AP1S3: variants seen among roughly 807,000 people sequenced by gnomAD.
AP1S3 encodes the protein AP-1 complex subunit sigma-3.
In AP1S3, 10 loss-of-function variants were observed where a neutral mutation model predicts 20.9. The observed-to-expected ratio is 0.48, with a 90% CI of 0.29 to 0.81. The LOEUF (loss-of-function observed/expected upper bound fraction) is 0.81. Ranked by LOEUF, AP1S3 falls within the 30% of genes least tolerant of loss-of-function variation. The probability of loss-of-function intolerance (pLI) is 0.08; values close to 1 mark genes in which losing one functional copy is unlikely to be tolerated. For missense variants in AP1S3, 154 were observed against 183.8 expected (o/e 0.84, Z 0.94); for synonymous variants, 41 against 61.5 (o/e 0.67, Z 1.56).
chr2:223,776,222 A>G (rs929088527), intron 2 of AP1S3: 2 of 650,146 alleles, frequency 3.1e-6, no homozygotes, highest in Non-Finnish European at 5.8e-6. Context: ...TTAATTACGC[A>G]TGAAAGACTC....
intron 3 of AP1S3, among the ~76,000 whole-genome samples, chr2:223,773,748 A>G (rs1166418483): frequency 6.6e-6 from 1 of 152,158 alleles, no homozygotes; most frequent in African/African-American, 2.4e-5. Flanking sequence ...GAACAAAAAA[A>G]AACTCTGCTG....
chr2:223,825,312 C>CAA (rs3080005), intron 1 of AP1S3, among the ~76,000 whole-genome samples: 23,664 of 145,974 alleles, frequency 0.16, 2,433 homozygotes, highest in East Asian at 0.41. Context: ...GACTCCGTCT[C>CAA]AAAAAAAAAA....
intron 1 of AP1S3, among the ~76,000 whole-genome samples, chr2:223,806,564 A>C (rs902643614): frequency 1.3e-5 from 2 of 152,022 alleles, no homozygotes; most frequent in Non-Finnish European, 2.9e-5. Context: ...GATTACAGGC[A>C]TGAGCCACCG....
chr2:223,834,993 A>G (rs1692361934), intron 1 of AP1S3, among the ~76,000 whole-genome samples: 2 of 152,214 alleles, frequency 1.3e-5, no homozygotes, highest in Non-Finnish European at 1.5e-5. Flanking sequence ...TAGACACAAG[A>G]AAACTTCACT....
chr2:223,807,207 C>T (rs1691602224), intron 1 of AP1S3, among the ~76,000 whole-genome samples: 1 of 152,146 alleles, frequency 6.6e-6, no homozygotes, highest in Non-Finnish European at 1.5e-5. Context: ...ATAGAGGTTG[C>T]AGTCAGCCAT....
At chr2:223,780,336 G>A (rs1690905022) in intron 1 of AP1S3, among the ~76,000 whole-genome samples, 1 of 127,890 alleles carries the variant, frequency 7.8e-6, no homozygotes, top group African/African-American at 3.2e-5. Flanking sequence ...GAGAGAGAGA[G>A]AGAGAGAGAG....
chr2:223,773,227 C>A, intron 3 of AP1S3: 1 of 1,219,760 alleles, frequency 8.2e-7, no homozygotes, highest in Non-Finnish European at 1.1e-6. Flanking sequence ...CACATTATCA[C>A]AGTTGGTTTA....
intron 1 of AP1S3, among the ~76,000 whole-genome samples, chr2:223,835,909 C>T (rs1692384187): frequency 6.6e-6 from 1 of 152,186 alleles, no homozygotes; most frequent in Admixed American, 6.5e-5. Context: ...GCAAATTACA[C>T]TGGTGGACTG....
chr2:223,779,315 G>A (rs747467055), intron 1 of AP1S3, among the ~76,000 whole-genome samples: 6 of 152,188 alleles, frequency 3.9e-5, no homozygotes, highest in East Asian at 1.9e-4. Flanking sequence ...AGGCCAAGGC[G>A]GGATAATCAC....
At chr2:223,830,897 G>T (rs1692242593) in intron 1 of AP1S3, among the ~76,000 whole-genome samples, 1 of 152,192 alleles carries the variant, frequency 6.6e-6, no homozygotes, top group Admixed American at 6.6e-5. Flanking sequence ...GAGGGATGTT[G>T]GCAGAGGCCA....
intron 3 of AP1S3, among the ~76,000 whole-genome samples, chr2:223,771,020 C>G (rs2106084463): frequency 6.6e-6 from 1 of 152,182 alleles, no homozygotes; most frequent in East Asian, 1.9e-4. Flanking sequence ...CAGGCATGAG[C>G]CACCGTTCCC....
intron 1 of AP1S3, among the ~76,000 whole-genome samples, chr2:223,830,633 C>G (rs1213267297): frequency 1.3e-5 from 2 of 152,278 alleles, no homozygotes; most frequent in East Asian, 3.9e-4. Flanking sequence ...TTGATATACC[C>G]AGTGTGGAAG....
chr2:223,819,621 C>CCTA (rs138854594), intron 1 of AP1S3, among the ~76,000 whole-genome samples: 48,641 of 151,134 alleles, frequency 0.32, 8,213 homozygotes, highest in Middle Eastern at 0.43. Context: ...AAATTAAAGT[C>CCTA]CTATCTTTGT....
In AP1S3 at chr2:223,775,584, T is replaced by A. The variant is rs1334091565; in HGVS notation, c.291+317A>T. Among the ~76,000 whole-genome samples, 4 of 152,306 alleles carry A rather than the reference T, an allele frequency of 2.6e-5. 1 individual carries two copies. In the South Asian group the frequency reaches 6.2e-4, roughly 24 times the overall value. ...GGCTGGGCACGGTAGCTCATGCCTA[T>A]AATCCTAGCTCTTTGGGAAGCTGAG... On this transcript the variant is annotated intron_variant, in intron 3 of 4. Coordinates refer to ENST00000396654, the MANE Select transcript of AP1S3 (RefSeq NM_001039569.2).
intron 1 of AP1S3, among the ~76,000 whole-genome samples, chr2:223,794,800 AC>A (rs1045098671): frequency 5.9e-5 from 9 of 151,694 alleles, no homozygotes; most frequent in Admixed American, 4.6e-4. Flanking sequence ...CTCCCTCTCA[AC>A]CCCTCTCCCT....
At position 223,798,095 on chromosome 2, in the gene AP1S3, G is replaced by GT. The variant is rs200781376; in HGVS notation, c.4-20227dup. 3.8e-3 allele frequency among the ~76,000 whole-genome samples: 572 copies of GT among 152,090 alleles called. 4 individuals are homozygous for GT. Among genetic ancestry groups the GT allele is most frequent in the African/African-American group, 0.013 (553 of 41,480 alleles). On this transcript the variant is annotated intron_variant, in intron 1 of 4. Transcript: ENST00000396654. Reference sequence around the variant, plus strand: ...TACATATATACATCAAATGTCATAGGTTTTTTTTCCCCTCAAGATTGCCAG... The same window carrying GT: ...TACATATATACATCAAATGTCATAGGTTTTTTTTTCCCCTCAAGATTGCCAG...
intron 1 of AP1S3, among the ~76,000 whole-genome samples, chr2:223,806,744 A>C (rs1445589573): frequency 6.6e-6 from 1 of 152,094 alleles, no homozygotes; most frequent in African/African-American, 2.4e-5. Context: ...TGTGTGAGAA[A>C]GTGAGATCAT....
intron 3 of AP1S3, among the ~76,000 whole-genome samples, chr2:223,772,362 C>T (rs12623921): frequency 0.26 from 39,696 of 151,870 alleles, 8,383 homozygotes; most frequent in East Asian, 0.58. Flanking sequence ...TCCGGGGGAC[C>T]CATAGTGCTC....
intron 4 of AP1S3, among the ~76,000 whole-genome samples, chr2:223,763,638 T>C (rs1023061036): frequency 6.6e-6 from 1 of 152,208 alleles, no homozygotes; most frequent in African/African-American, 2.4e-5. Context: ...CAAATCAACA[T>C]CAGAGAGTTT....
Sources: allele counts gnomAD v4.1 joint callset (sites outside exome capture counted in the v4.1 genomes callset), GRCh38; gene constraint gnomAD v4.1.1; transcripts MANE v1.5; gene names NCBI Gene and HGNC (gene_info 2026-07-23, HGNC 2026-07-21).